Variants in ITGB6 observed in about 807,000 individuals in gnomAD.
ITGB6 encodes integrin beta-6.
Under a neutral mutation model 84.5 loss-of-function variants are expected in ITGB6, and 80 were observed. The ratio of observed to expected loss-of-function variants is 0.95; its 90% confidence interval spans 0.79 to 1.14. The LOEUF (loss-of-function observed/expected upper bound fraction) is 1.14, where lower values mean the gene tolerates loss of function less well. Among genes scored for constraint, ITGB6 ranks in the 50% most tolerant of loss-of-function variants. The probability of loss-of-function intolerance (pLI) is 0.00; values close to 1 mark genes in which losing one functional copy is unlikely to be tolerated. For synonymous variants in ITGB6, 383 were observed against 354.9 expected, an observed-to-expected ratio of 1.08 and a Z score of -0.89; for missense variants, 1,006 against 968.0, an observed-to-expected ratio of 1.04 and a Z score of -0.52.
intron 12 of ITGB6, among the ~76,000 whole-genome samples, chr2:160,120,818 A>G (rs951255711): frequency 2.0e-5 from 3 of 148,718 alleles, no homozygotes; most frequent in Non-Finnish European, 4.4e-5. Context: ...AGGACAGAAA[A>G]CCAAACACCA....
In ITGB6 at chr2:160,170,101, CAATT is replaced by C. The variant is rs545984735; in HGVS notation, c.922-798_922-795del. On this transcript the variant is annotated intron_variant, in intron 6 of 14. Coordinates refer to ENST00000283249, the MANE Select transcript of ITGB6 (RefSeq NM_000888.5). ...CTCAAGTGAGGTACTAGCCTGCTAA[CAATT>C]AAATTAAGAATATGTTAATTATGAC... Among the ~76,000 whole-genome samples, 6 of 151,324 alleles carry C rather than the reference CAATT, an allele frequency of 4.0e-5. No individual in the cohort carries two copies. The East Asian group carries it at 1.2e-3, about 29-fold the overall frequency.
At chr2:160,199,638 T>TC (rs1686478618) in intron 1 of ITGB6, among the ~76,000 whole-genome samples, 1 of 152,366 alleles carries the variant, frequency 6.6e-6, no homozygotes, top group Admixed American at 6.5e-5. Flanking sequence ...ATTTCTGTTT[T>TC]TGAAATAAAT....
At chr2:160,119,121 C>T (rs1435005040) in intron 12 of ITGB6, among the ~76,000 whole-genome samples, 1 of 152,192 alleles carries the variant, frequency 6.6e-6, no homozygotes. Flanking sequence ...GTGCCATCCC[C>T]CTCAAGCTAC....
intron 7 of ITGB6, among the ~76,000 whole-genome samples, chr2:160,150,293 G>T (rs565146902): frequency 2.6e-5 from 4 of 152,064 alleles, no homozygotes; most frequent in Non-Finnish European, 2.9e-5. Context: ...AGAGAGTGGG[G>T]GCCAATATTC....
At chr2:160,169,016 A>G (rs1389041301) in intron 7 of ITGB6, among the ~76,000 whole-genome samples, 196 bp downstream of exon 7, 1 of 152,164 alleles carries the variant, frequency 6.6e-6, no homozygotes, top group Non-Finnish European at 1.5e-5. Context: ...TTAGTTCCCC[A>G]TGCCCTACTG....
At chr2:160,197,769 T>C (rs1361303193) in intron 2 of ITGB6, among the ~76,000 whole-genome samples, 4 of 152,226 alleles carry the variant, frequency 2.6e-5, no homozygotes, top group African/African-American at 9.6e-5. Context: ...TCAGAATCCT[T>C]CTCAACACAG....
At chr2:160,106,616 T>C (rs1210533470) in intron 14 of ITGB6, among the ~76,000 whole-genome samples, 1 of 152,218 alleles carries the variant, frequency 6.6e-6, no homozygotes. Flanking sequence ...ATACATTGCA[T>C]TTGGCTGTTG....
At position 160,150,794 on chromosome 2, in the gene ITGB6, G is replaced by A. The variant is rs201198058; in HGVS notation, c.1018-8723C>T. ...GCAAATGGAAAGCAAAAAAAAGCAG[G>A]GGTTGCAATCCTAGTTTCTGATAAA... On this transcript the variant is annotated intron_variant, in intron 7 of 14. Coordinates refer to ENST00000283249, the MANE Select transcript of ITGB6 (RefSeq NM_000888.5). 2.1e-4 allele frequency among the ~76,000 whole-genome samples: 32 copies of A among 152,066 alleles called. 1 individual carries two copies. The highest frequency in any genetic ancestry group is 1.5e-3 in the East Asian group (8 of 5,180).
At chr2:160,188,771 T>G (rs1050753574) in intron 4 of ITGB6, among the ~76,000 whole-genome samples, 1 of 151,916 alleles carries the variant, frequency 6.6e-6, no homozygotes, top group African/African-American at 2.4e-5. Flanking sequence ...GCCTGGCTAA[T>G]TTTTTTGTAT....
At chr2:160,105,407 T>G (rs35464606) in intron 14 of ITGB6, among the ~76,000 whole-genome samples, 9,932 of 152,290 alleles carry the variant, frequency 0.065, 372 homozygotes, top group Middle Eastern at 0.14. Flanking sequence ...TATTAATCAC[T>G]TGTCAGTATT....
At chr2:160,122,301 T>A (rs1409432462) in intron 12 of ITGB6, among the ~76,000 whole-genome samples, 1 of 152,196 alleles carries the variant, frequency 6.6e-6, no homozygotes, top group African/African-American at 2.4e-5. Flanking sequence ...TTTATGATAA[T>A]CTACTCAAAA....
intron 7 of ITGB6, among the ~76,000 whole-genome samples, chr2:160,163,493 A>G (rs1684893389): frequency 1.3e-5 from 2 of 152,178 alleles, no homozygotes; most frequent in Admixed American, 6.5e-5. Flanking sequence ...TTAGCTGGGC[A>G]TGGTGGCACA....
chr2:160,137,681 G>A lies in ITGB6; in HGVS notation c.1413C>T (p.Asn471=), dbSNP rs146684598. 6.3e-5 allele frequency: 102 copies of A among 1,614,164 alleles called. No homozygotes were observed. Among genetic ancestry groups the A allele is most frequent in the African/African-American group, 8.0e-5 (6 of 75,042 alleles). ...CACACACCCCACACTGGAAAGAGCC[G>A]TTCCCGTGGTGACATTTGGAGCTGT... ...EVNSSKCHHG[N]GSFQCGVCAC... The change falls in exon 10 of 15, where the codon AAC becomes AAT. Residue 471 remains asparagine, a synonymous_variant. Coordinates refer to ENST00000283249, the MANE Select transcript of ITGB6 (RefSeq NM_000888.5).
chr2:160,186,115 A>G (rs930329895), intron 4 of ITGB6, among the ~76,000 whole-genome samples: 2 of 152,188 alleles, frequency 1.3e-5, no homozygotes, highest in Non-Finnish European at 2.9e-5. Flanking sequence ...GTCAAAATTG[A>G]CAAATGGGAT....
At chr2:160,186,603 T>C (rs965673118) in intron 4 of ITGB6, among the ~76,000 whole-genome samples, 1 of 152,100 alleles carries the variant, frequency 6.6e-6, no homozygotes, top group African/African-American at 2.4e-5. Flanking sequence ...GACTCAGCAA[T>C]CCCGTTACTG....
At chr2:160,142,552 A>G (rs1163196271) in intron 7 of ITGB6, among the ~76,000 whole-genome samples, 1 of 152,094 alleles carries the variant, frequency 6.6e-6, no homozygotes. Context: ...CTTGGTGGAG[A>G]AAGAGAGTGA....
intron 7 of ITGB6, among the ~76,000 whole-genome samples, chr2:160,165,617 A>C (rs964513397): frequency 6.6e-6 from 1 of 152,236 alleles, no homozygotes; most frequent in African/African-American, 2.4e-5. Flanking sequence ...ATGGAAACTT[A>C]CGTATGGTGG....
At chr2:160,114,537 C>T (rs770731421) in intron 12 of ITGB6, among the ~76,000 whole-genome samples, 3 of 152,198 alleles carry the variant, frequency 2.0e-5, no homozygotes, top group African/African-American at 7.2e-5. Flanking sequence ...CCAAGATGGC[C>T]GAATAGGAAC....
At chr2:160,181,542 G>T (rs1410090231) in intron 4 of ITGB6, among the ~76,000 whole-genome samples, 1 of 152,226 alleles carries the variant, frequency 6.6e-6, no homozygotes, top group Non-Finnish European at 1.5e-5. Flanking sequence ...CCTGGGGAAA[G>T]GGGCGACTGT....
Sources: gnomAD v4.1 joint callset for allele counts (sites outside exome capture counted in the v4.1 genomes callset) on GRCh38, gnomAD v4.1.1 for gene constraint, MANE v1.5 for transcripts, NCBI Gene and HGNC (gene_info 2026-07-23, HGNC 2026-07-21) for gene names.